CFTR: variants seen among roughly 807,000 people sequenced by gnomAD.
The protein encoded by CFTR is cystic fibrosis transmembrane conductance regulator.
A neutral mutation model predicts 171.6 loss-of-function variants in CFTR; 181 were observed. The observed-to-expected ratio is 1.05, with a 90% CI of 0.93 to 1.19. The LOEUF is 1.19. Among genes scored for constraint, CFTR ranks in the 50% most tolerant of loss-of-function variants. CFTR has a pLI of 0.00. For missense variants in CFTR, 1,968 were observed against 1,734.7 expected (o/e 1.13, Z -2.39); for synonymous variants, 583 against 608.0 (o/e 0.96, Z 0.60).
rs76151804 is a variant in CFTR at position 117,611,555 on chromosome 7, A to G, written c.3140-26A>G. 134 of 1,312,924 alleles carry G rather than the reference A, an allele frequency of 1.0e-4. No individual in the cohort carries two copies. The highest frequency in any genetic ancestry group is 1.3e-4 in the Non-Finnish European group (117 of 907,992). The allele number at this position is 1,312,924 out of a possible 1,614,324, so 81.3% of individuals were successfully genotyped here. On this transcript the variant is annotated intron_variant, in intron 19 of 26. Coordinates refer to ENST00000003084, the MANE Select transcript of CFTR (RefSeq NM_000492.4). Reference sequence around the variant, plus strand: ...ACATTTTGTGTTTATGTTATTTGCAATGTTTTCTATGGAAATATTTCACAG... The same window carrying G: ...ACATTTTGTGTTTATGTTATTTGCAGTGTTTTCTATGGAAATATTTCACAG...
At chr7:117,489,696 A>G (rs1285510935) in intron 1 of CFTR, among the ~76,000 whole-genome samples, 1 of 151,778 alleles carries the variant, frequency 6.6e-6, no homozygotes, top group African/African-American at 2.4e-5. Flanking sequence ...GTGCAAGGAG[A>G]TGTCAGCAGA....
At chr7:117,497,630 G>C (rs1798260136) in intron 1 of CFTR, among the ~76,000 whole-genome samples, 1 of 152,172 alleles carries the variant, frequency 6.6e-6, no homozygotes, top group Non-Finnish European at 1.5e-5. Flanking sequence ...TAACAGATTT[G>C]TAGTAGGCAT....
intron 22 of CFTR, among the ~76,000 whole-genome samples, chr7:117,641,089 T>C (rs1792904317): frequency 6.6e-6 from 1 of 152,188 alleles, no homozygotes; most frequent in South Asian, 2.1e-4. Context: ...TTGATTGATC[T>C]GATTTTCTCA....
At chr7:117,661,476 C>T (rs549902132) in intron 24 of CFTR, among the ~76,000 whole-genome samples, 10 of 152,304 alleles carry the variant, frequency 6.6e-5, no homozygotes, top group South Asian at 2.1e-4. Flanking sequence ...TTTCCTAGTA[C>T]GGCCTTAGGA....
intron 1 of CFTR, among the ~76,000 whole-genome samples, chr7:117,483,686 G>A (rs1584765915): frequency 1.3e-5 from 2 of 152,040 alleles, no homozygotes; most frequent in South Asian, 4.2e-4. Context: ...TGCCTCACGA[G>A]TAGCTGGGTC....
chr7:117,534,086 A>G (rs1798906132), intron 4 of CFTR, among the ~76,000 whole-genome samples, 190 bp from the exon 5 acceptor site: 1 of 152,230 alleles, frequency 6.6e-6, no homozygotes, highest in Admixed American at 6.5e-5. Flanking sequence ...GCATGCCAGT[A>G]TAATATTGAC....
intron 9 of CFTR, among the ~76,000 whole-genome samples, chr7:117,543,441 T>C (rs1799090508): frequency 6.6e-6 from 1 of 152,196 alleles, no homozygotes; most frequent in African/African-American, 2.4e-5. Flanking sequence ...GCAAAAACCC[T>C]CAATTCCTGT....
intron 24 of CFTR, among the ~76,000 whole-genome samples, chr7:117,660,401 G>A (rs1793253646): frequency 6.6e-6 from 1 of 152,048 alleles, no homozygotes; most frequent in Non-Finnish European, 1.5e-5. Context: ...GGAGGCCGAG[G>A]CGGTTGGATC....
At chr7:117,495,579 TC>T (rs1373115724) in intron 1 of CFTR, among the ~76,000 whole-genome samples, 1 of 152,142 alleles carries the variant, frequency 6.6e-6, no homozygotes, top group Non-Finnish European at 1.5e-5. Flanking sequence ...TTCATAGTTG[TC>T]CCAGAAGTTA....
chr7:117,565,609 T>C (rs1199895078), intron 11 of CFTR, among the ~76,000 whole-genome samples: 2 of 152,168 alleles, frequency 1.3e-5, no homozygotes, highest in Non-Finnish European at 2.9e-5. Context: ...CACAAAGTTG[T>C]TGTGATACTT....
intron 11 of CFTR, among the ~76,000 whole-genome samples, chr7:117,578,414 T>C (rs1028286986): frequency 1.3e-5 from 2 of 152,200 alleles, no homozygotes; most frequent in African/African-American, 2.4e-5. Context: ...ATAATACATA[T>C]AACATACCAA....
intron 12 of CFTR, among the ~76,000 whole-genome samples, chr7:117,589,060 A>G (rs935611354): frequency 1.3e-5 from 2 of 152,060 alleles, no homozygotes; most frequent in Non-Finnish European, 2.9e-5. Context: ...TCAGTTTAAG[A>G]TTTGGTTTTG....
chr7:117,540,066 A>G (rs750145040), intron 7 of CFTR, 34 bp from the exon 8 acceptor site: 1 of 1,572,614 alleles, frequency 6.4e-7, no homozygotes, highest in Non-Finnish European at 8.7e-7. Context: ...AAATAAAATA[A>G]CATCCTGAAT....
chr7:117,603,509 A>G (rs1422526084), intron 16 of CFTR, 23 bp from the exon 17 acceptor site: 6 of 1,613,610 alleles, frequency 3.7e-6, no homozygotes, highest in Non-Finnish European at 5.1e-6. Context: ...CTGCCAAATA[A>G]CGATTTCCTA....
intron 24 of CFTR, among the ~76,000 whole-genome samples, chr7:117,659,615 C>A (rs1393293906): frequency 1.3e-5 from 2 of 152,204 alleles, no homozygotes; most frequent in Admixed American, 6.5e-5. Flanking sequence ...TGCATCACCC[C>A]TGTGGGCTAT....
intron 23 of CFTR, among the ~76,000 whole-genome samples, chr7:117,643,463 C>T (rs747649129): frequency 6.6e-6 from 1 of 152,088 alleles, no homozygotes; most frequent in Non-Finnish European, 1.5e-5. Flanking sequence ...GAAAAAAAAG[C>T]TTGTATTTCT....
intron 15 of CFTR, among the ~76,000 whole-genome samples, chr7:117,598,192 C>T (rs186439433): frequency 4.2e-4 from 64 of 152,216 alleles, no homozygotes; most frequent in African/African-American, 1.4e-3. Context: ...TAAAAACAAA[C>T]GAATGAACAC....
intron 21 of CFTR, among the ~76,000 whole-genome samples, chr7:117,624,617 C>G (rs1161628987): frequency 6.6e-6 from 1 of 152,052 alleles, no homozygotes; most frequent in Non-Finnish European, 1.5e-5. Flanking sequence ...AGGATAGAAC[C>G]AGGATTTGGT....
chr7:117,522,132 G>T (rs1054700099), intron 3 of CFTR, among the ~76,000 whole-genome samples: 1 of 152,144 alleles, frequency 6.6e-6, no homozygotes, highest in Non-Finnish European at 1.5e-5. Flanking sequence ...AATCACTTGA[G>T]CTGTTTTCTA....
Sources: gnomAD v4.1 joint callset for allele counts (sites outside exome capture counted in the v4.1 genomes callset) on GRCh38, gnomAD v4.1.1 for gene constraint, MANE v1.5 for transcripts, NCBI Gene and HGNC (gene_info 2026-07-23, HGNC 2026-07-21) for gene names.